CHST3: variants seen among roughly 807,000 people sequenced by gnomAD.
The protein encoded by CHST3 is C6ST-1.
A neutral mutation model predicts 35.4 loss-of-function variants in CHST3; 20 were observed. That is an observed-to-expected ratio of 0.57 (90% confidence interval 0.40 to 0.82). CHST3 has a LOEUF of 0.82. Ranked by LOEUF, CHST3 falls within the 40% of genes least tolerant of loss-of-function variation. The pLI, the probability that CHST3 is intolerant of heterozygous loss-of-function variation, is 0.00. For synonymous variants in CHST3, 334 were observed against 295.9 expected, an observed-to-expected ratio of 1.13 and a Z score of -1.32; for missense variants, 693 against 670.1, an observed-to-expected ratio of 1.03 and a Z score of -0.38.
chr10:71,980,580 A>G (rs1009380622), intron 1 of CHST3, among the ~76,000 whole-genome samples: 1 of 152,226 alleles, frequency 6.6e-6, no homozygotes, highest in Non-Finnish European at 1.5e-5. Flanking sequence ...AGAGTGTGCT[A>G]AAACAATCTG....
At chr10:71,977,386 G>A (rs1839756236) in intron 1 of CHST3, among the ~76,000 whole-genome samples, 1 of 152,094 alleles carries the variant, frequency 6.6e-6, no homozygotes, top group Non-Finnish European at 1.5e-5. Context: ...CATGGCAAGG[G>A]TGATCTGACC....
rs745523940 is a variant in CHST3, at chr10:72,007,575, G to A, written c.544G>A (p.Ala182Thr). 5 of 1,608,058 alleles carry A rather than the reference G, an allele frequency of 3.1e-6. No individual in the cohort carries two copies. In the South Asian group the frequency reaches 3.3e-5, roughly 11 times the overall value. ...VSFEPGGANA[A>T]GSALVYRDVL... ...CTTCGAGCCGGGGGGCGCCAACGCC[G>A]CGGGCTCGGCCCTGGTGTACCGCGA... is the stretch of plus-strand genomic sequence containing the variant. The change falls in exon 3 of 3, where the codon GCG (alanine) becomes ACG (threonine). Residue 182 changes from alanine (A) to threonine (T), a missense_variant. Ala to Thr is a moderately conservative substitution (Grantham distance 58). Coordinates refer to ENST00000373115, the MANE Select transcript of CHST3 (RefSeq NM_004273.5).
At chr10:72,001,188 C>T (rs531096905) in intron 1 of CHST3, among the ~76,000 whole-genome samples, 12 of 152,308 alleles carry the variant, frequency 7.9e-5, no homozygotes, top group African/African-American at 2.9e-4. Context: ...GTGCACTCAC[C>T]AGATGGTCGC....
intron 1 of CHST3, among the ~76,000 whole-genome samples, chr10:71,979,292 G>A (rs567225793): frequency 6.6e-6 from 1 of 152,280 alleles, no homozygotes; most frequent in East Asian, 1.9e-4. Context: ...GGGTGGAGGT[G>A]AGGACCCAGG....
intron 1 of CHST3, among the ~76,000 whole-genome samples, chr10:71,968,950 T>A (rs988345353): frequency 2.0e-5 from 3 of 152,084 alleles, no homozygotes. Context: ...CATCCTCAAA[T>A]GGGTTACTGT....
rs140411224 is a variant in CHST3, at chr10:72,008,282, G to C, written c.1251G>C (p.Thr417=). ...ACGACGGCAGCGGCATCTACTCCAC[G>C]CAGAAGAACTCCTCGGAGCAGTTCG... ...AAHDGSGIYS[T]QKNSSEQFEK... Residue 417 remains threonine, a synonymous_variant, in exon 3 of 3, where the codon ACG becomes ACC. Coordinates refer to ENST00000373115, the MANE Select transcript of CHST3 (RefSeq NM_004273.5). 1,399 of 1,586,116 alleles carry C rather than the reference G, an allele frequency of 8.8e-4. 2 individuals carry two copies. Among genetic ancestry groups the C allele is most frequent in the Non-Finnish European group, 1.1e-3 (1,318 of 1,166,778 alleles).
intron 1 of CHST3, among the ~76,000 whole-genome samples, chr10:71,990,147 A>G (rs1201439393): frequency 1.2e-4 from 18 of 152,172 alleles, no homozygotes; most frequent in Admixed American, 1.2e-3. Context: ...AGAGTGTTAT[A>G]GCAGTCCTTT....
At chr10:71,986,250 C>G (rs563154592) in intron 1 of CHST3, among the ~76,000 whole-genome samples, 17 of 152,302 alleles carry the variant, frequency 1.1e-4, no homozygotes, top group African/African-American at 4.1e-4. Flanking sequence ...AGTAGTGGCT[C>G]TCCATCTTTG....
At chr10:72,001,173 G>C (rs146000714) in intron 1 of CHST3, among the ~76,000 whole-genome samples, 1 of 152,206 alleles carries the variant, frequency 6.6e-6, no homozygotes, top group Non-Finnish European at 1.5e-5. Flanking sequence ...GGCCTGGCAC[G>C]TGGTGTGCAC....
chr10:71,974,375 G>A (rs1224762593), intron 1 of CHST3, among the ~76,000 whole-genome samples: 1 of 152,198 alleles, frequency 6.6e-6, no homozygotes, highest in Non-Finnish European at 1.5e-5. Context: ...CCTGCCTAAA[G>A]TCACTCAGTC....
intron 1 of CHST3, among the ~76,000 whole-genome samples, chr10:72,001,448 G>A (rs1839992045): frequency 1.3e-5 from 2 of 151,664 alleles, no homozygotes; most frequent in South Asian, 4.2e-4. Flanking sequence ...GGGGCATTGA[G>A]GGGATGAAAG....
chr10:71,989,883 AG>A (rs1326288833), intron 1 of CHST3, among the ~76,000 whole-genome samples: 4 of 152,242 alleles, frequency 2.6e-5, no homozygotes, highest in Non-Finnish European at 5.9e-5. Flanking sequence ...TGTCTTGAAC[AG>A]CATTTTATGT....
chr10:71,978,352 C>A (rs183819503), intron 1 of CHST3, among the ~76,000 whole-genome samples: 123 of 151,164 alleles, frequency 8.1e-4, no homozygotes, highest in African/African-American at 2.6e-3. Flanking sequence ...GGCGATAGAC[C>A]GAGCCTCCGT....
At chr10:71,999,417 G>C (rs1401658788) in intron 1 of CHST3, among the ~76,000 whole-genome samples, 1 of 152,266 alleles carries the variant, frequency 6.6e-6, no homozygotes, top group East Asian at 1.9e-4. Context: ...ACTCTGCCTC[G>C]GAGCTACTCT....
At chr10:71,964,752 C>G (rs1379077268) in intron 1 of CHST3, 58 bp downstream of exon 1, 1 of 152,162 alleles carries the variant, frequency 6.6e-6, no homozygotes, top group Non-Finnish European at 1.5e-5. Flanking sequence ...GCCGCCCAGC[C>G]GGGAGCCCCC....
intron 2 of CHST3, 57 bp downstream of exon 2, chr10:72,006,039 A>AAT: frequency 1.3e-6 from 1 of 772,558 alleles, no homozygotes; most frequent in Non-Finnish European, 2.1e-6. Context: ...GGGTGGGGAC[A>AAT]GGGAGGTAAC....
intron 1 of CHST3, among the ~76,000 whole-genome samples, chr10:72,002,005 G>C (rs930973330): frequency 6.6e-6 from 1 of 152,112 alleles, no homozygotes; most frequent in Non-Finnish European, 1.5e-5. Context: ...ACCCCCATCC[G>C]GGCTCTATCC....
In CHST3 at chr10:72,013,357, G is replaced by A. The variant is rs761110067; in HGVS notation, c.*4886G>A. 1.3e-5 allele frequency: 2 copies of A among 152,170 alleles called. No individual in the cohort carries two copies. Among genetic ancestry groups the A allele is most frequent in the African/African-American group, 2.4e-5 (1 of 41,426 alleles). The allele number at this position is 152,170 out of a possible 1,614,324, so 9.4% of individuals were successfully genotyped here. A position where few individuals can be genotyped will look rare whatever the true frequency, so the allele number is the denominator to read the frequency against. On this transcript the variant is annotated 3_prime_UTR_variant, in exon 3 of 3. Coordinates refer to ENST00000373115, the MANE Select transcript of CHST3 (RefSeq NM_004273.5). ...CTGGCGCCGTTCCACATTGCTCCCA[G>A]CCCCATTGCTGTCACTGTCGTCCCA...
intron 1 of CHST3, among the ~76,000 whole-genome samples, chr10:71,969,752 C>T (rs1839671226): frequency 6.6e-6 from 1 of 152,154 alleles, no homozygotes; most frequent in African/African-American, 2.4e-5. Flanking sequence ...TGGTTCCATC[C>T]CAGTGCCTGA....
Sources: allele counts gnomAD v4.1 joint callset (sites outside exome capture counted in the v4.1 genomes callset), GRCh38; gene constraint gnomAD v4.1.1; transcripts MANE v1.5; gene names NCBI Gene and HGNC (gene_info 2026-07-23, HGNC 2026-07-21).